SDK1: variants seen among roughly 807,000 people sequenced by gnomAD.
SDK1 encodes protein sidekick-1.
A neutral mutation model predicts 245.5 loss-of-function variants in SDK1; 157 were observed. That is an observed-to-expected ratio of 0.64 (90% CI 0.56 to 0.73). The LOEUF is 0.73. SDK1 is among the 30% of genes least tolerant of loss of function. The pLI is 0.00. For missense variants in SDK1, 3,583 were observed against 3,002.3 expected (o/e 1.19, Z -4.52); for synonymous variants, 1,647 against 1,278.5 (o/e 1.29, Z -6.15).
At chr7:3,336,666 G>T (rs1441191465) in intron 1 of SDK1, among the ~76,000 whole-genome samples, 1 of 151,910 alleles carries the variant, frequency 6.6e-6, no homozygotes, top group Non-Finnish European at 1.5e-5. Flanking sequence ...GCTCCTGGAT[G>T]CAGCAACAAA....
chr7:3,916,592 C>G (rs1779389462), intron 5 of SDK1, among the ~76,000 whole-genome samples: 1 of 152,204 alleles, frequency 6.6e-6, no homozygotes, highest in Admixed American at 6.5e-5. Context: ...AACATGGCCT[C>G]AACTAATTAC....
At position 3,928,632 on chromosome 7, in the gene SDK1, G is replaced by T. The variant is rs73674348; in HGVS notation, c.848-22291G>T. 4.8e-3 allele frequency among the ~76,000 whole-genome samples: 729 copies of T among 151,714 alleles called. 6 individuals carry two copies. Among genetic ancestry groups the T allele is most frequent in the African/African-American group, 0.016 (664 of 41,266 alleles). ...TGAACTCAATAAAAGTTTTTTTTTG[G>T]GGGGGGTGGGTGGAATGCCAATAAT... On this transcript the variant is annotated intron_variant, in intron 5 of 44. Coordinates refer to ENST00000404826, the MANE Select transcript of SDK1 (RefSeq NM_152744.4).
At chr7:3,467,901 A>G (rs2128597326) in intron 1 of SDK1, among the ~76,000 whole-genome samples, 1 of 152,270 alleles carries the variant, frequency 6.6e-6, no homozygotes, top group South Asian at 2.1e-4. Context: ...CAAGTTTATT[A>G]GAGATCTTTT....
chr7:3,626,051 C>G (rs979220858), intron 2 of SDK1, among the ~76,000 whole-genome samples: 1 of 150,426 alleles, frequency 6.6e-6, no homozygotes, highest in Non-Finnish European at 1.5e-5. Context: ...TGAAGTGATC[C>G]TTCTGCACCA....
At chr7:3,932,747 G>A (rs1489091135) in intron 5 of SDK1, among the ~76,000 whole-genome samples, 1 of 152,158 alleles carries the variant, frequency 6.6e-6, no homozygotes, top group Non-Finnish European at 1.5e-5. Flanking sequence ...CTCGTTCTGT[G>A]GCCTTGTTTT....
At chr7:4,245,891 T>A in intron 44 of SDK1, 86 bp downstream of exon 44, 2 of 1,511,972 alleles carry the variant, frequency 1.3e-6, no homozygotes, top group East Asian at 2.3e-5. Flanking sequence ...TGTCTTGTCC[T>A]ATTTGAGTCT....
chr7:3,743,106 C>T (rs1440643581), intron 4 of SDK1, among the ~76,000 whole-genome samples: 2 of 152,084 alleles, frequency 1.3e-5, no homozygotes, highest in African/African-American at 2.4e-5. Context: ...TTCAGGAATG[C>T]GATAGGCCTT....
intron 1 of SDK1, among the ~76,000 whole-genome samples, chr7:3,600,097 T>A (rs181583179): frequency 6.6e-6 from 1 of 152,236 alleles, no homozygotes; most frequent in African/African-American, 2.4e-5. Context: ...TCTTTTTGAT[T>A]TCTGTTACCA....
Position 4,267,588 on chromosome 7 carries a change from T to A in SDK1, c.*2204T>A. ...GATAAATGGAGACCATGGCCAGCGCTGCTTTCTGTGCACTCTGATGACTGC... is the reference window on the plus strand; with the variant it reads ...GATAAATGGAGACCATGGCCAGCGCAGCTTTCTGTGCACTCTGATGACTGC... On this transcript the variant is annotated 3_prime_UTR_variant, in exon 45 of 45. Coordinates refer to ENST00000404826, the MANE Select transcript of SDK1 (RefSeq NM_152744.4). 1 of 985,480 alleles carries A rather than the reference T, an allele frequency of 1.0e-6. No individual in the cohort carries two copies. The highest frequency in any genetic ancestry group is 1.2e-6 in the Non-Finnish European group (1 of 829,940). The allele number at this position is 985,480 out of a possible 1,614,324, so 61.0% of individuals were successfully genotyped here. A position where few individuals can be genotyped will look rare whatever the true frequency, so the allele number is the denominator to read the frequency against.
At chr7:3,654,367 G>A (rs753239947) in intron 4 of SDK1, among the ~76,000 whole-genome samples, 4 of 152,196 alleles carry the variant, frequency 2.6e-5, no homozygotes, top group Admixed American at 6.5e-5. Flanking sequence ...TCTGCAGACT[G>A]CTGATGAGCT....
chr7:3,401,599 C>T (rs917313418), intron 1 of SDK1, among the ~76,000 whole-genome samples: 5 of 152,074 alleles, frequency 3.3e-5, no homozygotes, highest in African/African-American at 9.7e-5. Context: ...CTGAGCCAGC[C>T]GTAGTTCACT....
chr7:4,123,545 T>A (rs1005381702), intron 25 of SDK1, among the ~76,000 whole-genome samples: 4 of 152,202 alleles, frequency 2.6e-5, no homozygotes, highest in African/African-American at 9.6e-5. Context: ...GGGCTGCATC[T>A]GTGACAAGCC....
chr7:3,350,240 C>T (rs1236018364), intron 1 of SDK1, among the ~76,000 whole-genome samples: 3 of 152,118 alleles, frequency 2.0e-5, no homozygotes, highest in Non-Finnish European at 2.9e-5. Context: ...AAGAAGTTGT[C>T]ACTTAACAAT....
chr7:4,044,387 G>A (rs574128514), intron 17 of SDK1, among the ~76,000 whole-genome samples: 1 of 152,340 alleles, frequency 6.6e-6, no homozygotes, highest in African/African-American at 2.4e-5. Context: ...ACATTGAAGG[G>A]TTTCAGACAT....
intron 19 of SDK1, among the ~76,000 whole-genome samples, chr7:4,056,579 G>A (rs975996187): frequency 6.6e-6 from 1 of 152,104 alleles, no homozygotes; most frequent in African/African-American, 2.4e-5. Context: ...GGGAAAGGGA[G>A]AGACCCCCGT....
intron 2 of SDK1, among the ~76,000 whole-genome samples, chr7:3,623,604 G>A (rs1782015757): frequency 6.6e-6 from 1 of 152,112 alleles, no homozygotes; most frequent in Non-Finnish European, 1.5e-5. Context: ...GACTACATTA[G>A]CAAGTTGACG....
intron 1 of SDK1, among the ~76,000 whole-genome samples, chr7:3,575,369 A>G (rs1332564713): frequency 6.6e-6 from 1 of 151,936 alleles, no homozygotes. Context: ...CCCTTATTAT[A>G]ATGCCTCCCA....
At chr7:3,537,859 G>A (rs1778932180) in intron 1 of SDK1, among the ~76,000 whole-genome samples, 1 of 152,184 alleles carries the variant, frequency 6.6e-6, no homozygotes, top group Non-Finnish European at 1.5e-5. Context: ...GGGCCTCCGT[G>A]CACAAATCCA....
chr7:3,401,484 A>G (rs534892796), intron 1 of SDK1, among the ~76,000 whole-genome samples: 105 of 152,284 alleles, frequency 6.9e-4, no homozygotes, highest in African/African-American at 2.1e-3. Context: ...AAACTATTCC[A>G]TGTATGGAAC....
Sources: gnomAD v4.1 joint callset for allele counts (sites outside exome capture counted in the v4.1 genomes callset) on GRCh38, gnomAD v4.1.1 for gene constraint, MANE v1.5 for transcripts, NCBI Gene and HGNC (gene_info 2026-07-23, HGNC 2026-07-21) for gene names.